The following NLGN3 variants were observed in gnomAD, a reference collection of about 807,000 sequenced individuals.
NLGN3 encodes neuroligin 3.
Under a neutral mutation model 42.9 loss-of-function variants are expected in NLGN3, and 11 were observed. That is an observed-to-expected ratio of 0.26 (90% CI 0.16 to 0.42). NLGN3 has a LOEUF of 0.42. NLGN3 is among the 10% of genes least tolerant of loss of function. The probability of loss-of-function intolerance (pLI) is 1.00; values close to 1 mark genes in which losing one functional copy is unlikely to be tolerated. For missense variants in NLGN3, 374 were observed against 733.8 expected (o/e 0.51, Z 5.67); for synonymous variants, 279 against 312.7 (o/e 0.89, Z 1.14).
intron 4 of NLGN3, among the ~76,000 whole-genome samples, chrX:71,154,411 C>G (rs1325753557): frequency 5.3e-5 from 6 of 112,569 alleles, no homozygotes; most frequent in Non-Finnish European, 7.5e-5. Flanking sequence ...AGGCCTGGAG[C>G]CTTCTCTTGA....
In NLGN3 at chrX:71,169,266, G is replaced by A. The variant is rs1221487982; in HGVS notation, c.1716G>A (p.Lys572=). 8.3e-7 allele frequency: 1 copy of A among 1,211,182 alleles called. No individual in the cohort carries two copies. The highest frequency in any genetic ancestry group is 1.1e-6 in the Non-Finnish European group (1 of 895,356). The change falls in exon 8 of 8, where the codon AAG becomes AAA. Residue 572 remains lysine (K), a synonymous_variant. Coordinates refer to ENST00000358741, the MANE Select transcript of NLGN3 (RefSeq NM_181303.2). ...TGTGGTATTTCAGGGATCCCAACAAGCCGGTCCCCCAGGACACCAAGTTCA... is the reference window on the plus strand; with the variant it reads ...TGTGGTATTTCAGGGATCCCAACAAACCGGTCCCCCAGGACACCAAGTTCA... ...TNFAKTGDPN[K]PVPQDTKFIH...
chrX:71,168,800 GAA>G (rs2092456449), intron 7 of NLGN3, among the ~76,000 whole-genome samples: 1 of 54,656 alleles, frequency 1.8e-5, no homozygotes, highest in East Asian at 4.6e-4. Flanking sequence ...GAAAGAGAGA[GAA>G]AGAAAGAAAG....
intron 1 of NLGN3, among the ~76,000 whole-genome samples, chrX:71,145,897 ACTC>A (rs1475034946): frequency 1.0e-5 from 1 of 98,709 alleles, no homozygotes; most frequent in Non-Finnish European, 2.0e-5. Flanking sequence ...GATTGTGTGA[ACTC>A]AGCTGCGGAC....
intron 5 of NLGN3, among the ~76,000 whole-genome samples, chrX:71,157,011 C>A (rs1287901340): frequency 9.0e-6 from 1 of 110,913 alleles, no homozygotes; most frequent in African/African-American, 3.3e-5. Context: ...TCATGCTCCC[C>A]CAAGCCCCGC....
At chrX:71,146,202 C>G (rs1602311954) in intron 1 of NLGN3, among the ~76,000 whole-genome samples, 1 of 100,281 alleles carries the variant, frequency 1.0e-5, no homozygotes, top group Non-Finnish European at 2.0e-5. Flanking sequence ...CACACACACA[C>G]ACACACACAC....
At chrX:71,146,153 T>TCTCTCACACA (rs1185227027) in intron 1 of NLGN3, among the ~76,000 whole-genome samples, 35 of 26,336 alleles carry the variant, frequency 1.3e-3, no homozygotes, top group African/African-American at 2.0e-3. Context: ...TCTCTCTCTC[T>TCTCTCACACA]CACACACACA....
Position 71,148,205 on chromosome X carries a change from T to C in NLGN3, c.456T>C (p.Asp152=). 2.5e-6 allele frequency: 3 copies of C among 1,203,309 alleles called. No individual in the cohort carries two copies. The highest frequency in any genetic ancestry group is 2.3e-4 in the Middle Eastern group (1 of 4,335). Residue 152 remains aspartate (D), a splice_region_variant and synonymous_variant, in exon 2 of 8, where the codon GAT becomes GAC. Coordinates refer to ENST00000358741, the MANE Select transcript of NLGN3 (RefSeq NM_181303.2). ...TGAACGTCTATGTGCCGACGGAGGATGGTGAGTGCTGCGGCCAGGCACTGT... is the reference window on the plus strand; with the variant it reads ...TGAACGTCTATGTGCCGACGGAGGACGGTGAGTGCTGCGGCCAGGCACTGT... ...LYLNVYVPTE[D]VKRISKECAR...
intron 3 of NLGN3, among the ~76,000 whole-genome samples, chrX:71,152,604 G>A: frequency 2.7e-5 from 3 of 112,051 alleles, no homozygotes; most frequent in Non-Finnish European, 5.6e-5. Context: ...TCTCACTGGG[G>A]TGTAAGGATC....
In NLGN3 at chrX:71,167,175, C is replaced by T. The variant is rs1367587765; in HGVS notation, c.1078C>T (p.Leu360=). The change falls in exon 7 of 8, where the codon CTG becomes TTG. Residue 360 remains leucine, a synonymous_variant. Coordinates refer to ENST00000358741, the MANE Select transcript of NLGN3 (RefSeq NM_181303.2). The part of the protein sequence containing the change: ...DCLRQKSAKE[L]VEQDIQPARY... ...TCTTCGGCAAAAGAGTGCCAAGGAG[C>T]TGGTAGAGCAGGACATCCAGCCAGC... 7.4e-6 allele frequency: 9 copies of T among 1,211,967 alleles called. No homozygotes were observed. The South Asian group carries it at 8.8e-5, about 12-fold the overall frequency.
At chrX:71,150,322 G>C (rs1409694354) in intron 3 of NLGN3, among the ~76,000 whole-genome samples, 1 of 111,844 alleles carries the variant, frequency 8.9e-6, no homozygotes, top group Non-Finnish European at 1.9e-5. Flanking sequence ...AAGAACCTCT[G>C]TTTCCACATC....
chrX:71,152,659 C>G (rs1303853065), intron 3 of NLGN3, among the ~76,000 whole-genome samples: 1 of 111,958 alleles, frequency 8.9e-6, no homozygotes, highest in African/African-American at 3.2e-5. Context: ...GGTGAATATT[C>G]AGTACATGGT....
At chrX:71,168,054 A>G (rs2092452633) in intron 7 of NLGN3, among the ~76,000 whole-genome samples, 1 of 111,562 alleles carries the variant, frequency 9.0e-6, no homozygotes, top group Non-Finnish European at 1.9e-5. Flanking sequence ...TGGAAGAACT[A>G]TGGGATTTAG....
chrX:71,151,944 C>T (rs961978663), intron 3 of NLGN3, among the ~76,000 whole-genome samples: 1 of 111,867 alleles, frequency 8.9e-6, no homozygotes, highest in Non-Finnish European at 1.9e-5. Context: ...TGTGTTAAGA[C>T]GGTAGGTGCC....
At chrX:71,168,859 AAG>A (rs1491102941) in intron 7 of NLGN3, among the ~76,000 whole-genome samples, 1 of 89,004 alleles carries the variant, frequency 1.1e-5, no homozygotes, top group Non-Finnish European at 2.0e-5. Context: ...GAAAGAAAGA[AAG>A]AAAGAAAGAG....
intron 6 of NLGN3, among the ~76,000 whole-genome samples, chrX:71,164,880 A>C (rs1267555576): frequency 9.0e-6 from 1 of 110,704 alleles, no homozygotes; most frequent in Non-Finnish European, 1.9e-5. Context: ...CGACTGTGCA[A>C]GCTGCCGGGG....
At position 71,170,937 on chromosome X, in the gene NLGN3, T is replaced by C. The variant is rs764152035; in HGVS notation, c.*840T>C. Reference sequence around the variant, plus strand: ...TGAACAACGTACTATGGAAGCCACATCACTATTGGGCCCCCAGGTCTGATC... The same window carrying C: ...TGAACAACGTACTATGGAAGCCACACCACTATTGGGCCCCCAGGTCTGATC... On this transcript the variant is annotated 3_prime_UTR_variant, in exon 8 of 8. Transcript: ENST00000358741. 152 of 753,030 alleles carry C rather than the reference T, an allele frequency of 2.0e-4. 1 individual carries two copies. In the African/African-American group the frequency reaches 3.4e-3, roughly 17 times the overall value. The allele number at this position is 753,030 out of a possible 1,213,427, so 62.1% of individuals were successfully genotyped here. A position where few individuals can be genotyped will look rare whatever the true frequency, so the allele number is the denominator to read the frequency against.
intron 5 of NLGN3, among the ~76,000 whole-genome samples, chrX:71,159,216 G>A (rs1450056914): frequency 9.0e-6 from 1 of 110,724 alleles, no homozygotes; most frequent in Admixed American, 9.5e-5. Context: ...AGCTACTCAA[G>A]AGGCTGAGGC....
chrX:71,148,971 G>A (rs1210782902), intron 3 of NLGN3, 66 bp downstream of exon 3: 2 of 733,602 alleles, frequency 2.7e-6, no homozygotes, highest in African/African-American at 2.2e-5. Context: ...ACCTGCCCTT[G>A]CCCCCAGGAC....
At position 71,147,713 on chromosome X, in the gene NLGN3, G is replaced by T; in HGVS notation, c.-37G>T. ...CCTATTGGGCTGATGCTGTGACCCTGGAGTCTGCCTCTCCTGCCAGTCCCC... is the reference window on the plus strand; with the variant it reads ...CCTATTGGGCTGATGCTGTGACCCTTGAGTCTGCCTCTCCTGCCAGTCCCC... On this transcript the variant is annotated 5_prime_UTR_variant, in exon 2 of 8. Transcript: ENST00000358741. 1 of 1,141,331 alleles carries T rather than the reference G, an allele frequency of 8.8e-7. No homozygotes were observed. 94.1% of individuals were successfully genotyped at this position (1,141,331 alleles called of 1,213,427 possible).
Sources: allele counts gnomAD v4.1 joint callset (sites outside exome capture counted in the v4.1 genomes callset), GRCh38; gene constraint gnomAD v4.1.1; transcripts MANE v1.5; gene names NCBI Gene and HGNC (gene_info 2026-07-23, HGNC 2026-07-21).